The following MAGI1 variants were observed in gnomAD, a reference collection of about 807,000 sequenced individuals.
The protein encoded by MAGI1 is membrane-associated guanylate kinase, WW and PDZ domain-containing protein 1.
In MAGI1, 58 loss-of-function variants were observed where a neutral mutation model predicts 139.9. The ratio of observed to expected loss-of-function variants is 0.41; its 90% CI spans 0.34 to 0.52. The LOEUF is 0.52. Ranked by LOEUF, MAGI1 falls within the 20% of genes least tolerant of loss-of-function variation. The pLI is 0.12. For missense variants in MAGI1, 1,874 were observed against 1,901.6 expected (o/e 0.99, Z 0.27); for synonymous variants, 812 against 737.9 (o/e 1.10, Z -1.63).
chr3:65,400,785 T>C (rs1340682819), intron 13 of MAGI1, among the ~76,000 whole-genome samples: 1 of 124,644 alleles, frequency 8.0e-6, no homozygotes, highest in East Asian at 2.3e-4. Flanking sequence ...TTTTTTTTTT[T>C]TTTTAAGAAT....
chr3:65,762,119 T>C (rs561712293), intron 1 of MAGI1, among the ~76,000 whole-genome samples: 1 of 152,126 alleles, frequency 6.6e-6, no homozygotes, highest in Non-Finnish European at 1.5e-5. Context: ...TACCCCAGAA[T>C]GGCTGCATTT....
intron 12 of MAGI1, among the ~76,000 whole-genome samples, chr3:65,405,719 T>C (rs1945278569): frequency 6.6e-6 from 1 of 152,062 alleles, no homozygotes; most frequent in South Asian, 2.1e-4. Flanking sequence ...CTCAGCCTCC[T>C]GAGTAGCTGG....
intron 1 of MAGI1, among the ~76,000 whole-genome samples, chr3:65,652,455 G>C (rs73127868): frequency 0.074 from 11,234 of 152,122 alleles, 728 homozygotes; most frequent in East Asian, 0.38. Flanking sequence ...GGCACCCCTG[G>C]TCTCTGTCCA....
intron 1 of MAGI1, among the ~76,000 whole-genome samples, chr3:65,998,335 T>C (rs1396576694): frequency 2.0e-5 from 3 of 152,166 alleles, no homozygotes; most frequent in Non-Finnish European, 4.4e-5. Context: ...AGTGTGAGAA[T>C]ACTTCATGCT....
intron 1 of MAGI1, among the ~76,000 whole-genome samples, chr3:65,932,200 C>A (rs1257295794): frequency 6.6e-6 from 1 of 152,088 alleles, no homozygotes; most frequent in Non-Finnish European, 1.5e-5. Flanking sequence ...TTTTCTTGCA[C>A]ATTTTCTCTC....
chr3:65,638,297 A>C (rs1488609490), intron 1 of MAGI1, among the ~76,000 whole-genome samples: 3 of 152,156 alleles, frequency 2.0e-5, no homozygotes, highest in Non-Finnish European at 2.9e-5. Flanking sequence ...GACATGATTC[A>C]AATATACCTT....
intron 1 of MAGI1, among the ~76,000 whole-genome samples, chr3:65,784,993 G>A (rs1420472319): frequency 6.7e-6 from 1 of 149,554 alleles, no homozygotes; most frequent in Non-Finnish European, 1.5e-5. Context: ...AATGGATATA[G>A]GATTCCTTTT....
intron 1 of MAGI1, among the ~76,000 whole-genome samples, chr3:65,782,741 C>G (rs1453555764): frequency 6.7e-6 from 1 of 150,322 alleles, no homozygotes; most frequent in African/African-American, 2.4e-5. Flanking sequence ...AGGTGTAATA[C>G]CTACAACAGT....
chr3:65,399,870 A>G (rs1347603457), intron 13 of MAGI1, among the ~76,000 whole-genome samples: 1 of 152,184 alleles, frequency 6.6e-6, no homozygotes, highest in Non-Finnish European at 1.5e-5. Flanking sequence ...GGAATGCAAA[A>G]TGGAAAAGAA....
intron 1 of MAGI1, among the ~76,000 whole-genome samples, chr3:65,881,840 T>G (rs1190003084): frequency 3.3e-5 from 5 of 152,142 alleles, no homozygotes; most frequent in African/African-American, 7.2e-5. Context: ...TTAAATTCCT[T>G]TCTTCATCTA....
At chr3:66,007,801 A>C (rs904949009) in intron 1 of MAGI1, among the ~76,000 whole-genome samples, 7 of 152,104 alleles carry the variant, frequency 4.6e-5, no homozygotes, top group African/African-American at 1.7e-4. Flanking sequence ...TACTTTCCTT[A>C]GGGCAGAAGA....
rs371361004 is a variant in MAGI1, at chr3:65,869,471, A to G, written c.313+168525T>C. Among the ~76,000 whole-genome samples the G allele has an allele frequency of 8.3e-4, 123 of 149,070 alleles. 1 individual carries two copies. Among genetic ancestry groups the G allele is most frequent in the East Asian group, 7.3e-3 (35 of 4,794 alleles). On this transcript the variant is annotated intron_variant, in intron 1 of 22. Transcript: ENST00000402939. ...GTTGGAGTGCAGTGGCGTGATCTCC[A>G]CTCACTGCAAGCTCCACCCCCCAGG...
chr3:66,004,871 C>T (rs1216811088), intron 1 of MAGI1, among the ~76,000 whole-genome samples: 1 of 152,130 alleles, frequency 6.6e-6, no homozygotes, highest in Admixed American at 6.6e-5. Context: ...CACAGAAGCC[C>T]ACCAAGGTGC....
chr3:65,612,116 A>T (rs1253816523), intron 2 of MAGI1, among the ~76,000 whole-genome samples: 3 of 152,132 alleles, frequency 2.0e-5, no homozygotes, highest in Non-Finnish European at 4.4e-5. Context: ...TGATATAAGT[A>T]AGGGGGAAGA....
At chr3:65,486,431 A>C (rs1951641596) in intron 3 of MAGI1, among the ~76,000 whole-genome samples, 1 of 152,196 alleles carries the variant, frequency 6.6e-6, no homozygotes. Flanking sequence ...GAGAAGTCCC[A>C]AGGGCTGGCT....
At chr3:65,517,805 C>T (rs2077974943) in intron 2 of MAGI1, among the ~76,000 whole-genome samples, 1 of 152,166 alleles carries the variant, frequency 6.6e-6, no homozygotes, top group African/African-American at 2.4e-5. Flanking sequence ...ACCATGCAGG[C>T]TGCTTTCTGA....
intron 2 of MAGI1, among the ~76,000 whole-genome samples, chr3:65,511,654 G>C (rs927161743): frequency 1.4e-5 from 2 of 143,602 alleles, no homozygotes; most frequent in African/African-American, 5.2e-5. Context: ...GATTCATAAA[G>C]CAAGTCCTGA....
chr3:65,477,727 TTA>T (rs1491041918), intron 4 of MAGI1, among the ~76,000 whole-genome samples: 1 of 148,050 alleles, frequency 6.8e-6, no homozygotes, highest in African/African-American at 2.5e-5. Context: ...TTTTTTTTAT[TTA>T]TATTTTTTGA....
chr3:65,572,110 TAACA>T (rs1222861193), intron 2 of MAGI1, among the ~76,000 whole-genome samples: 1 of 152,120 alleles, frequency 6.6e-6, no homozygotes, highest in African/African-American at 2.4e-5. Context: ...TAATTCTGAC[TAACA>T]AAAATGAGGC....
Sources: allele counts gnomAD v4.1 joint callset (sites outside exome capture counted in the v4.1 genomes callset), GRCh38; gene constraint gnomAD v4.1.1; transcripts MANE v1.5; gene names NCBI Gene and HGNC (gene_info 2026-07-23, HGNC 2026-07-21).